The following KCTD19 variants were observed in gnomAD, a reference collection of about 807,000 sequenced individuals.
The protein encoded by KCTD19 is BTB/POZ domain-containing protein KCTD19.
A neutral mutation model predicts 103.5 loss-of-function variants in KCTD19; 67 were observed. The observed-to-expected ratio is 0.65, with a 90% confidence interval of 0.53 to 0.79. KCTD19 has a LOEUF of 0.79. Ranked by LOEUF, KCTD19 falls within the 30% of genes least tolerant of loss-of-function variation. KCTD19 has a pLI of 0.00. For missense variants in KCTD19, 980 were observed against 1,136.1 expected (o/e 0.86, Z 1.98); for synonymous variants, 439 against 452.2 (o/e 0.97, Z 0.37).
chr16:67,289,635 G>A lies in KCTD19; in HGVS notation c.2715C>T (p.Leu905=). 1 of 1,614,112 alleles carries A rather than the reference G, an allele frequency of 6.2e-7. No homozygotes were observed. Among genetic ancestry groups the A allele is most frequent in the Non-Finnish European group, 8.5e-7 (1 of 1,179,994 alleles). ...CAGACCTAGACAGGCCCCTCTGGAT[G>A]AGCAGGTCCATGCATCGGCCATATT... ...ARKYGRCMDL[L]IQRGLSRSVS... is the part of the protein sequence containing the mutation. The change falls in exon 16 of 16, where the codon CTC becomes CTT. Residue 905 remains leucine, a synonymous_variant. Transcript: ENST00000304372.
In KCTD19 at chr16:67,294,578, A is replaced by G. The variant is rs761944170; in HGVS notation, c.1590+2T>C. ...CACCAACCAGAGGAGGCTGGTGCTTACTTCTTTAGTGTCTCTACTGAACTC... is the reference window on the plus strand; with the variant it reads ...CACCAACCAGAGGAGGCTGGTGCTTGCTTCTTTAGTGTCTCTACTGAACTC... On this transcript the variant is annotated splice_donor_variant, in intron 11 of 15. Coordinates refer to ENST00000304372, the MANE Select transcript of KCTD19 (RefSeq NM_001100915.3). LOFTEE classifies it high-confidence loss of function. 13 of 1,599,200 alleles carry G rather than the reference A, an allele frequency of 8.1e-6. No homozygotes were observed. The highest frequency in any genetic ancestry group is 2.2e-5 in the South Asian group (2 of 90,776).
chr16:67,299,314 G>T, intron 6 of KCTD19, 49 bp downstream of exon 6: 1 of 1,559,326 alleles, frequency 6.4e-7, no homozygotes, highest in Admixed American at 1.7e-5. Flanking sequence ...TAGAGGGAAG[G>T]GCAGAGCCAA....
intron 11 of KCTD19, 77 bp from the exon 12 acceptor site, chr16:67,294,248 G>A (rs560071752): frequency 7.0e-7 from 1 of 1,422,882 alleles, no homozygotes; most frequent in Non-Finnish European, 9.6e-7. Context: ...CTAATAAGCT[G>A]GGCCTCCAAG....
chr16:67,291,238 C>CTT, intron 14 of KCTD19, 71 bp downstream of exon 14: 1 of 1,549,756 alleles, frequency 6.5e-7, no homozygotes, highest in South Asian at 1.2e-5. Flanking sequence ...CCTTGCACCA[C>CTT]TTATTGTGGG....
At chr16:67,310,041 A>C (rs1477931181) in intron 2 of KCTD19, among the ~76,000 whole-genome samples, 1 of 152,174 alleles carries the variant, frequency 6.6e-6, no homozygotes, top group Non-Finnish European at 1.5e-5. Flanking sequence ...ATCGGCCTTG[A>C]CCTAGGCTCA....
chr16:67,299,748 T>C (rs897510167), intron 5 of KCTD19, 175 bp from the exon 6 acceptor site: 1 of 594,266 alleles, frequency 1.7e-6, no homozygotes, highest in African/African-American at 1.9e-5. Flanking sequence ...TTTTTTTGTA[T>C]ACTCAGGCTT....
At chr16:67,306,555 C>T (rs948743714) in intron 2 of KCTD19, among the ~76,000 whole-genome samples, 4 of 152,132 alleles carry the variant, frequency 2.6e-5, no homozygotes, top group Non-Finnish European at 5.9e-5. Flanking sequence ...CCACCGTGCC[C>T]GTCCTGCCTC....
chr16:67,305,820 C>T (rs958745883), intron 2 of KCTD19, among the ~76,000 whole-genome samples: 3 of 152,198 alleles, frequency 2.0e-5, no homozygotes, highest in Non-Finnish European at 4.4e-5. Flanking sequence ...GCTGCTATGT[C>T]AATGAAGCCC....
chr16:67,303,238 T>C lies in KCTD19; in HGVS notation c.551A>G (p.Lys184Arg). Reference protein sequence around the residue: ...YCFLPLDLVAKYPSLVTEDNL... With the variant: ...YCFLPLDLVARYPSLVTEDNL... ...GTCTTCAGTCACTAGGCTGGGATATTTGGCCACCAGGTCTAGGGGCAGGAA... is the reference window on the plus strand; with the variant it reads ...GTCTTCAGTCACTAGGCTGGGATATCTGGCCACCAGGTCTAGGGGCAGGAA... Residue 184 changes from lysine (K) to arginine (R), a missense_variant, in exon 4 of 16, where the codon AAA (lysine) becomes AGA (arginine). Lys to Arg is a conservative substitution (Grantham distance 26). Transcript: ENST00000304372. This position sits in a 1 kb window ranked among gnomAD's most constrained non-coding sequence, Gnocchi z 4.3. The C allele has an allele frequency of 1.2e-6, 2 of 1,614,050 alleles. No homozygotes were observed. The highest frequency in any genetic ancestry group is 2.2e-5 in the South Asian group (2 of 91,076).
chr16:67,308,590 G>A (rs1005901476), intron 2 of KCTD19, among the ~76,000 whole-genome samples: 7 of 152,010 alleles, frequency 4.6e-5, no homozygotes, highest in African/African-American at 9.7e-5. Flanking sequence ...CTTTGTGTAC[G>A]CTGTTCCATC....
intron 2 of KCTD19, chr16:67,305,471 A>C (rs1477524741): frequency 1.1e-5 from 4 of 347,916 alleles, no homozygotes; most frequent in African/African-American, 8.8e-5. Flanking sequence ...CAGTCTTCCA[A>C]GTCCAGAGCT....
chr16:67,316,983 A>G (rs2037019653), intron 2 of KCTD19, among the ~76,000 whole-genome samples: 1 of 152,158 alleles, frequency 6.6e-6, no homozygotes, highest in Non-Finnish European at 1.5e-5. Flanking sequence ...AAAGCCTACT[A>G]TGTCACAGAT....
intron 2 of KCTD19, among the ~76,000 whole-genome samples, chr16:67,314,009 A>C (rs2036976253): frequency 6.6e-6 from 1 of 151,916 alleles, no homozygotes; most frequent in Non-Finnish European, 1.5e-5. Flanking sequence ...GGCACATGCT[A>C]CCATGCCTGG....
intron 13 of KCTD19, 74 bp downstream of exon 13, chr16:67,291,572 C>T (rs112741112): frequency 1.3e-6 from 2 of 1,572,824 alleles, no homozygotes; most frequent in Non-Finnish European, 1.7e-6. Context: ...CTGTCTCTGC[C>T]TGAAGTACCC....
intron 6 of KCTD19, among the ~76,000 whole-genome samples, chr16:67,298,875 C>T (rs1313087816): frequency 1.3e-5 from 2 of 152,222 alleles, no homozygotes; most frequent in East Asian, 1.9e-4. Flanking sequence ...GAGCTCATCC[C>T]ATAAGGCAAA....
rs374291048 is a variant in KCTD19, at chr16:67,293,522, A to G, written c.2218+22T>C. The G allele has an allele frequency of 4.4e-6, 7 of 1,606,322 alleles. No homozygotes were observed. Among genetic ancestry groups the G allele is most frequent in the African/African-American group, 2.7e-5 (2 of 74,546 alleles). On this transcript the variant is annotated intron_variant, in intron 12 of 15. Coordinates refer to ENST00000304372, the MANE Select transcript of KCTD19 (RefSeq NM_001100915.3). This position sits in a 1 kb window ranked among gnomAD's most constrained non-coding sequence, Gnocchi z 4.0. ...CTTCTCTGTTGTGAATAAGACTTAG[A>G]TCAAAGGGGGACAGGACTCACCTCT... is the stretch of plus-strand genomic sequence containing the variant.
At chr16:67,321,909 C>G in intron 1 of KCTD19, 1 of 153,132 alleles carries the variant, frequency 6.5e-6, no homozygotes, top group Non-Finnish European at 1.5e-5. Flanking sequence ...GGGACACCCG[C>G]CTAGACAGCC....
chr16:67,301,208 C>A (rs1049524486), intron 5 of KCTD19: 2 of 152,922 alleles, frequency 1.3e-5, no homozygotes, highest in African/African-American at 4.8e-5. Flanking sequence ...AGGGGAAGAA[C>A]AAGCTGGAAT....
intron 15 of KCTD19, among the ~76,000 whole-genome samples, chr16:67,290,588 G>C (rs2036674759): frequency 6.6e-6 from 1 of 152,212 alleles, no homozygotes; most frequent in South Asian, 2.1e-4. Flanking sequence ...ACTCCCATAT[G>C]AGTCAAAGCT....
Sources: gnomAD v4.1 joint callset for allele counts (sites outside exome capture counted in the v4.1 genomes callset) on GRCh38, gnomAD v4.1.1 for gene constraint, Gnocchi (gnomAD v3.1) non-coding constraint, MANE v1.5 for transcripts, NCBI Gene and HGNC (gene_info 2026-07-23, HGNC 2026-07-21) for gene names.